The following ZNF677 variants were observed in gnomAD, a reference collection of about 807,000 sequenced individuals.
ZNF677 encodes the protein hypothetical protein MGC48625.
ZNF677 carries 5 observed loss-of-function variants against 8.1 expected under a neutral mutation model. The observed-to-expected ratio is 0.62, with a 90% CI of 0.32 to 1.29. The LOEUF is 1.29. Ranked by LOEUF, ZNF677 falls within the 50% of genes most tolerant of loss-of-function variation. ZNF677 has a pLI of 0.05. For missense variants in ZNF677, 685 were observed against 685.9 expected (o/e 1.00, Z 0.01); for synonymous variants, 221 against 225.6 (o/e 0.98, Z 0.18).
At chr19:53,246,712 T>C (rs889878521) in intron 3 of ZNF677, among the ~76,000 whole-genome samples, 4 of 151,872 alleles carry the variant, frequency 2.6e-5, no homozygotes, top group Non-Finnish European at 5.9e-5. Flanking sequence ...AATAGAATGG[T>C]GGTTGCTAGG....
intron 3 of ZNF677, among the ~76,000 whole-genome samples, chr19:53,250,256 G>T (rs190192178): frequency 6.6e-6 from 1 of 152,304 alleles, no homozygotes; most frequent in East Asian, 1.9e-4. Flanking sequence ...CACCATTGGT[G>T]GAAGTGTAAA....
At chr19:53,248,165 G>T (rs917876427) in intron 3 of ZNF677, among the ~76,000 whole-genome samples, 1 of 152,054 alleles carries the variant, frequency 6.6e-6, no homozygotes, top group Non-Finnish European at 1.5e-5. Context: ...ATTTCCATCA[G>T]AAGCTGATAA....
At position 53,237,275 on chromosome 19, in the gene ZNF677, C is replaced by A; in HGVS notation, c.1452G>T (p.Glu484Asp). The A allele has an allele frequency of 6.2e-7, 1 of 1,613,656 alleles. No homozygotes were observed. Among genetic ancestry groups the A allele is most frequent in the Non-Finnish European group, 8.5e-7 (1 of 1,179,856 alleles). ...CACATTCAGTACATTTGTAAGGTTT[C>A]TCTCCAGTATGAGTTCTCTGATGAC... ...LWGHQRTHTG[E>D]KPYKCTECGK... Residue 484 changes from glutamate to aspartate, a missense_variant, in exon 5 of 5, where the codon GAG becomes GAT. By Grantham distance (45) the Glu-to-Asp change is conservative. Coordinates refer to ENST00000598513, the MANE Select transcript of ZNF677 (RefSeq NM_182609.4).
chr19:53,245,248 C>T (rs1445816709), intron 3 of ZNF677, among the ~76,000 whole-genome samples: 2 of 152,148 alleles, frequency 1.3e-5, no homozygotes, highest in South Asian at 2.1e-4. Flanking sequence ...ACACCAAAAG[C>T]ACAGGCAAGA....
intron 1 of ZNF677, among the ~76,000 whole-genome samples, chr19:53,254,032 G>A (rs2091276252): frequency 6.6e-6 from 1 of 152,158 alleles, no homozygotes; most frequent in African/African-American, 2.4e-5. Flanking sequence ...GGTTGCTTCT[G>A]ATGTAATAAT....
Position 53,237,508 on chromosome 19 carries a change from C to T in ZNF677, c.1219G>A (p.Glu407Lys). ...HTGEKPYICN[E>K]CGKAFKQCSH... ...CACTGCTTAAAAGCTTTGCCACACT[C>T]ATTACATATGTAAGGCTTCTCTCCA... Residue 407 changes from glutamate to lysine, a missense_variant, in exon 5 of 5, where the codon GAG (glutamate) becomes AAG (lysine). Glu to Lys is a moderately conservative substitution (Grantham distance 56). Coordinates refer to ENST00000598513, the MANE Select transcript of ZNF677 (RefSeq NM_182609.4). 8 of 1,613,776 alleles carry T rather than the reference C, an allele frequency of 5.0e-6. No homozygotes were observed. The highest frequency in any genetic ancestry group is 6.8e-6 in the Non-Finnish European group (8 of 1,179,892).
chr19:53,248,838 T>A (rs542952912), intron 3 of ZNF677, among the ~76,000 whole-genome samples: 38 of 152,358 alleles, frequency 2.5e-4, no homozygotes, highest in African/African-American at 8.9e-4. Flanking sequence ...ATTCATGTTC[T>A]TTATATATTT....
chr19:53,240,609 G>A (rs968310626), intron 4 of ZNF677: 3 of 152,168 alleles, frequency 2.0e-5, no homozygotes, highest in African/African-American at 7.2e-5. Flanking sequence ...TATACTATAT[G>A]GTTCCAACTA....
intron 4 of ZNF677, chr19:53,242,656 T>TG: frequency 2.7e-6 from 1 of 373,798 alleles, no homozygotes; most frequent in Non-Finnish European, 4.7e-6. Flanking sequence ...AGATACATTT[T>TG]GGGGGAGCCA....
intron 3 of ZNF677, among the ~76,000 whole-genome samples, chr19:53,245,063 C>G (rs1464718518): frequency 6.6e-6 from 1 of 152,138 alleles, no homozygotes; most frequent in Non-Finnish European, 1.5e-5. Context: ...AAGAATGAAA[C>G]TGGATGCTTA....
At chr19:53,252,292 T>G (rs1347627281) in intron 2 of ZNF677, among the ~76,000 whole-genome samples, 3 of 152,116 alleles carry the variant, frequency 2.0e-5, no homozygotes, top group Non-Finnish European at 4.4e-5. Context: ...TGAAAATCAT[T>G]TCAGGGATCC....
intron 3 of ZNF677, among the ~76,000 whole-genome samples, chr19:53,250,570 AG>A (rs1289295465): frequency 6.6e-6 from 1 of 152,214 alleles, no homozygotes; most frequent in Non-Finnish European, 1.5e-5. Context: ...AAACTAACAC[AG>A]GAACAGAAAA....
chr19:53,239,358 A>G (rs556822486), intron 4 of ZNF677: 1 of 152,338 alleles, frequency 6.6e-6, no homozygotes, highest in South Asian at 2.1e-4. Context: ...AGGAAAAATA[A>G]TATGTTGAGA....
At chr19:53,243,715 A>G (rs1292211525) in intron 4 of ZNF677, 29 bp downstream of exon 4, 2 of 1,613,696 alleles carry the variant, frequency 1.2e-6, no homozygotes, top group African/African-American at 1.3e-5. Flanking sequence ...CTCACAAGGA[A>G]AAATGTAAAG....
chr19:53,247,146 T>C (rs891314089), intron 3 of ZNF677, among the ~76,000 whole-genome samples: 1 of 152,238 alleles, frequency 6.6e-6, no homozygotes, highest in Non-Finnish European at 1.5e-5. Flanking sequence ...TGTAGCTTTT[T>C]AAAATGTATT....
Position 53,236,924 on chromosome 19 carries a change from C to T in ZNF677, c.*48G>A. The stretch of plus-strand genomic sequence containing the variant: ...ACATAAGCCATAGCTAAAGGCTTTA[C>T]CACATTTTCGTTTTATATGGTTTCT... On this transcript the variant is annotated 3_prime_UTR_variant, in exon 5 of 5. Transcript: ENST00000598513. 1 of 1,498,702 alleles carries T rather than the reference C, an allele frequency of 6.7e-7. No individual in the cohort carries two copies. The highest frequency in any genetic ancestry group is 8.9e-7 in the Non-Finnish European group (1 of 1,125,674). The allele number at this position is 1,498,702 out of a possible 1,614,324, so 92.8% of individuals were successfully genotyped here. A position where few individuals can be genotyped will look rare whatever the true frequency, so the allele number is the denominator to read the frequency against.
intron 3 of ZNF677, 116 bp downstream of exon 3, chr19:53,251,420 G>A: frequency 1.3e-6 from 1 of 799,260 alleles, no homozygotes. Flanking sequence ...GAAAGCCCTG[G>A]GTGTGAATAT....
At chr19:53,246,143 C>G (rs2091134821) in intron 3 of ZNF677, among the ~76,000 whole-genome samples, 1 of 151,996 alleles carries the variant, frequency 6.6e-6, no homozygotes, top group African/African-American at 2.4e-5. Context: ...ATGGTGAAAC[C>G]CCGTCTCTAC....
intron 1 of ZNF677, among the ~76,000 whole-genome samples, chr19:53,253,359 C>A (rs575148863): frequency 6.6e-6 from 1 of 152,224 alleles, no homozygotes; most frequent in Admixed American, 6.5e-5. Flanking sequence ...AAATCAAGTA[C>A]CAGACATAAA....
Sources: allele counts gnomAD v4.1 joint callset (sites outside exome capture counted in the v4.1 genomes callset), GRCh38; gene constraint gnomAD v4.1.1; transcripts MANE v1.5; gene names NCBI Gene and HGNC (gene_info 2026-07-23, HGNC 2026-07-21).